The following FRY variants were observed in gnomAD, a reference collection of about 807,000 sequenced individuals.
FRY encodes the protein protein furry homolog.
In FRY, 128 loss-of-function variants were observed where a neutral mutation model predicts 348.4. The ratio of observed to expected loss-of-function variants is 0.37; its 90% CI spans 0.32 to 0.43. The LOEUF is 0.43. Among genes scored for constraint, FRY ranks in the 20% least tolerant of loss-of-function variants. The probability of loss-of-function intolerance (pLI) is 1.00; values close to 1 mark genes in which losing one functional copy is unlikely to be tolerated. For synonymous variants in FRY, 1,370 were observed against 1,374.7 expected, an observed-to-expected ratio of 1.00 and a Z score of 0.08; for missense variants, 2,736 against 3,695.2, an observed-to-expected ratio of 0.74 and a Z score of 6.73.
At chr13:32,266,454 C>T (rs1349996805) in intron 54 of FRY, among the ~76,000 whole-genome samples, 3 of 152,136 alleles carry the variant, frequency 2.0e-5, no homozygotes, top group Non-Finnish European at 4.4e-5. Flanking sequence ...AATACTCTCC[C>T]TCCAGAAAGG....
At chr13:32,177,713 G>A (rs1170761526) in intron 20 of FRY, among the ~76,000 whole-genome samples, 2 of 152,170 alleles carry the variant, frequency 1.3e-5, no homozygotes, top group African/African-American at 4.8e-5. Context: ...TCAAAGGGAA[G>A]ATATTTCAGT....
chr13:32,139,690 G>T (rs985902320), intron 11 of FRY, among the ~76,000 whole-genome samples: 1 of 152,140 alleles, frequency 6.6e-6, no homozygotes, highest in Non-Finnish European at 1.5e-5. Context: ...ATTATAAATT[G>T]ATGAGAAATG....
intron 16 of FRY, 126 bp downstream of exon 16, chr13:32,157,531 A>T (rs1302698395): frequency 6.0e-6 from 4 of 661,690 alleles, no homozygotes; most frequent in African/African-American, 4.9e-5. Flanking sequence ...AAAGATAGTT[A>T]AAAAAAAACC....
At chr13:32,112,441 G>A (rs1878032468) in intron 3 of FRY, among the ~76,000 whole-genome samples, 1 of 152,134 alleles carries the variant, frequency 6.6e-6, no homozygotes, top group African/African-American at 2.4e-5. Flanking sequence ...AGCTTATACA[G>A]CTATAAGAGG....
At chr13:32,162,020 G>C (rs1881470362) in intron 17 of FRY, among the ~76,000 whole-genome samples, 1 of 152,164 alleles carries the variant, frequency 6.6e-6, no homozygotes, top group South Asian at 2.1e-4. Flanking sequence ...CACGTGGGAT[G>C]TGTGGAATGA....
intron 3 of FRY, 51 bp downstream of exon 3, chr13:32,102,067 G>T (rs770653127): frequency 4.0e-6 from 4 of 1,008,840 alleles, no homozygotes; most frequent in East Asian, 4.7e-5. Context: ...CAGCATTCAC[G>T]CAAGGCAAGG....
intron 39 of FRY, among the ~76,000 whole-genome samples, chr13:32,226,748 G>A (rs1167408111): frequency 6.6e-6 from 1 of 152,074 alleles, no homozygotes; most frequent in Non-Finnish European, 1.5e-5. Flanking sequence ...TGTGAAAAGG[G>A]TGCACCTTTT....
chr13:32,088,794 T>C (rs1203057978), intron 2 of FRY, among the ~76,000 whole-genome samples: 2 of 152,236 alleles, frequency 1.3e-5, no homozygotes, highest in South Asian at 2.1e-4. Context: ...GATAAGGCCA[T>C]AATTTTTATT....
chr13:32,249,266 C>T (rs1466793657), intron 48 of FRY, among the ~76,000 whole-genome samples: 1 of 151,678 alleles, frequency 6.6e-6, no homozygotes, highest in Non-Finnish European at 1.5e-5. Context: ...TTTTGCTTCC[C>T]TTTGTCAGTG....
At chr13:32,161,651 C>T (rs1002626119) in intron 17 of FRY, among the ~76,000 whole-genome samples, 6 of 151,876 alleles carry the variant, frequency 4.0e-5, no homozygotes, top group African/African-American at 1.5e-4. Context: ...AGCAAAGGCA[C>T]AGAGGTAGAA....
intron 48 of FRY, 85 bp from the exon 49 acceptor site, chr13:32,249,441 A>T: frequency 7.2e-7 from 1 of 1,395,076 alleles, no homozygotes; most frequent in Non-Finnish European, 1.0e-6. Flanking sequence ...TCAAATAAGC[A>T]GCTCTTGGTT....
intron 1 of FRY, among the ~76,000 whole-genome samples, chr13:32,067,459 A>G (rs929971767): frequency 6.6e-6 from 1 of 152,172 alleles, no homozygotes; most frequent in Non-Finnish European, 1.5e-5. Context: ...TTAAAATTTA[A>G]TGAAACCAGA....
intron 2 of FRY, among the ~76,000 whole-genome samples, chr13:32,081,187 A>G (rs1297434124): frequency 6.6e-6 from 1 of 152,186 alleles, no homozygotes; most frequent in Non-Finnish European, 1.5e-5. Flanking sequence ...AAACAAGAAA[A>G]AAATTTTTAA....
intron 16 of FRY, among the ~76,000 whole-genome samples, chr13:32,158,583 A>G (rs1281171772): frequency 2.0e-5 from 3 of 152,278 alleles, no homozygotes; most frequent in South Asian, 2.1e-4. Flanking sequence ...TACTTCTTGC[A>G]TATATTAAAG....
intron 46 of FRY, among the ~76,000 whole-genome samples, chr13:32,241,687 A>C (rs1198371213): frequency 1.3e-5 from 2 of 152,246 alleles, no homozygotes; most frequent in Non-Finnish European, 2.9e-5. Context: ...AAAGTGTATC[A>C]GTGTACTCTG....
intron 55 of FRY, among the ~76,000 whole-genome samples, chr13:32,271,285 C>CT (rs748269119): frequency 1.3e-5 from 2 of 152,202 alleles, no homozygotes; most frequent in Non-Finnish European, 2.9e-5. Context: ...GCAGACAGTC[C>CT]TTAAGTTCTC....
chr13:32,227,877 G>A (rs12869814), intron 39 of FRY, among the ~76,000 whole-genome samples: 11,506 of 150,218 alleles, frequency 0.077, 551 homozygotes, highest in South Asian at 0.13. Flanking sequence ...TCAGCCTCCC[G>A]AGTAGCTGGG....
In FRY at chr13:32,261,813, C is replaced by G; in HGVS notation, c.7614C>G (p.Asp2538Glu). The change falls in exon 52 of 61, where the codon GAC becomes GAG. Residue 2538 changes from aspartate to glutamate, a missense_variant. By Grantham distance (45) the Asp-to-Glu change is conservative. Around this residue, in one of 9 missense-constraint regions of FRY, gnomAD observed 789 missense variants for 996.2 expected, o/e 0.79. Coordinates refer to ENST00000542859, the MANE Select transcript of FRY (RefSeq NM_023037.3). ...CCAGCCAGATCCTGGAGCACTCAGACCTAGTAAGTAGCGGCTCTCCCACTC... is the reference window on the plus strand; with the variant it reads ...CCAGCCAGATCCTGGAGCACTCAGAGCTAGTAAGTAGCGGCTCTCCCACTC... ...LTASQILEHS[D>E]LIMTLSPSEE... 1 of 1,613,786 alleles carries G rather than the reference C, an allele frequency of 6.2e-7. No individual in the cohort carries two copies. Among genetic ancestry groups the G allele is most frequent in the Non-Finnish European group, 8.5e-7 (1 of 1,179,686 alleles).
intron 1 of FRY, among the ~76,000 whole-genome samples, chr13:32,046,444 A>G (rs1873020272): frequency 6.6e-6 from 1 of 152,242 alleles, no homozygotes; most frequent in Non-Finnish European, 1.5e-5. Context: ...TGAGCTCAGA[A>G]GTTGAGACCA....
Sources: gnomAD v4.1 joint callset for allele counts (sites outside exome capture counted in the v4.1 genomes callset) on GRCh38, gnomAD v4.1.1 for gene constraint, gnomAD v4.1.1 regional missense constraint, MANE v1.5 for transcripts, NCBI Gene and HGNC (gene_info 2026-07-23, HGNC 2026-07-21) for gene names.